Variants in KIF21A observed in about 807,000 individuals in gnomAD.
The protein encoded by KIF21A is kinesin family member 21A, also known as kinesin-like protein KIF21A.
Under a neutral mutation model 202.9 loss-of-function variants are expected in KIF21A, and 114 were observed. The ratio of observed to expected loss-of-function variants is 0.56; its 90% CI spans 0.48 to 0.66. KIF21A has a LOEUF of 0.66. Ranked by LOEUF, KIF21A falls within the 30% of genes least tolerant of loss-of-function variation. The pLI is 0.00. For missense variants in KIF21A, 1,677 were observed against 1,994.9 expected (o/e 0.84, Z 3.04); for synonymous variants, 667 against 670.8 (o/e 0.99, Z 0.09).
At chr12:39,436,585 C>T (rs1938815129) in intron 1 of KIF21A, among the ~76,000 whole-genome samples, 2 of 143,940 alleles carry the variant, frequency 1.4e-5, no homozygotes, top group African/African-American at 2.6e-5. Flanking sequence ...CCAAGTGGCA[C>T]GGACTACAGA....
Position 39,311,580 on chromosome 12 carries a change from C to T in KIF21A, c.3960-27G>A, listed in dbSNP as rs747581129. 6 of 1,611,138 alleles carry T rather than the reference C, an allele frequency of 3.7e-6. No individual in the cohort carries two copies. In the Admixed American group the frequency reaches 8.4e-5, roughly 22 times the overall value. On this transcript the variant is annotated intron_variant, in intron 31 of 37. Transcript: ENST00000361418. The stretch of plus-strand genomic sequence containing the variant: ...TAAGGTGGGGAAAAAACAAACAAAC[C>T]AAGACTCACTTCAGTATCATGAGAC...
intron 1 of KIF21A, among the ~76,000 whole-genome samples, chr12:39,375,771 G>A (rs1286285152): frequency 3.3e-5 from 5 of 152,202 alleles, no homozygotes; most frequent in Admixed American, 3.3e-4. Context: ...TAAATAGAGT[G>A]AAAACTCAGT....
rs1424166622 is a variant in KIF21A, at chr12:39,436,450, T to TATATATATATA, written c.44+6476_44+6477insTATATATATAT. ...TATATATATATATATATATATATAT[T>TATATATATATA]TTTTTTTTTTTTAGACAGGGTTTCA... On this transcript the variant is annotated intron_variant, in intron 1 of 37. Coordinates refer to ENST00000361418, the MANE Select transcript of KIF21A (RefSeq NM_001173464.2). 3.6e-3 allele frequency among the ~76,000 whole-genome samples: 221 copies of TATATATATATA among 60,780 alleles called. 6 individuals are homozygous for TATATATATATA. The highest frequency in any genetic ancestry group is 0.026 in the East Asian group (48 of 1,846). The allele number at this position is 60,780 out of a possible 152,430, so 39.9% of individuals were successfully genotyped here.
chr12:39,311,587 C>A, intron 31 of KIF21A, 34 bp from the exon 32 acceptor site: 2 of 1,610,564 alleles, frequency 1.2e-6, no homozygotes, highest in South Asian at 1.1e-5. Context: ...AACCAAGACT[C>A]ACTTCAGTAT....
chr12:39,365,351 G>C (rs187105653), intron 6 of KIF21A, among the ~76,000 whole-genome samples: 1 of 152,208 alleles, frequency 6.6e-6, no homozygotes, highest in Non-Finnish European at 1.5e-5. Context: ...GAATCCCTTG[G>C]GTGGTTACAA....
intron 1 of KIF21A, among the ~76,000 whole-genome samples, chr12:39,393,074 C>T (rs1052439113): frequency 2.0e-5 from 3 of 150,776 alleles, no homozygotes; most frequent in Admixed American, 6.6e-5. Flanking sequence ...AAGGAAATTG[C>T]TGTGTAGGGA....
At chr12:39,432,125 A>G (rs899466209) in intron 1 of KIF21A, among the ~76,000 whole-genome samples, 2 of 152,214 alleles carry the variant, frequency 1.3e-5, no homozygotes, top group Non-Finnish European at 2.9e-5. Flanking sequence ...TAAACACCTT[A>G]GAAACTCACT....
intron 1 of KIF21A, among the ~76,000 whole-genome samples, chr12:39,423,983 CAAAAAAAAA>C (rs35526386): frequency 7.4e-4 from 19 of 25,666 alleles, no homozygotes; most frequent in South Asian, 2.0e-3. Flanking sequence ...GACTCTGTCT[CAAAAAAAAA>C]AAAAAAAAAA....
At chr12:39,389,947 C>T (rs1442578439) in intron 1 of KIF21A, among the ~76,000 whole-genome samples, 2 of 152,156 alleles carry the variant, frequency 1.3e-5, no homozygotes, top group Non-Finnish European at 2.9e-5. Flanking sequence ...GAGATGTTCA[C>T]ATCTTCCTCT....
chr12:39,354,273 G>A (rs1307136139), intron 10 of KIF21A, among the ~76,000 whole-genome samples: 1 of 152,032 alleles, frequency 6.6e-6, no homozygotes, highest in Non-Finnish European at 1.5e-5. Flanking sequence ...AATCATTGTA[G>A]AAACTTTTTA....
At chr12:39,422,417 A>G (rs993932593) in intron 1 of KIF21A, among the ~76,000 whole-genome samples, 4 of 152,230 alleles carry the variant, frequency 2.6e-5, no homozygotes, top group Admixed American at 2.6e-4. Flanking sequence ...TGTACTAATA[A>G]TATCAGATGA....
intron 1 of KIF21A, among the ~76,000 whole-genome samples, chr12:39,391,367 T>C (rs1390081732): frequency 2.0e-5 from 3 of 152,142 alleles, no homozygotes; most frequent in Non-Finnish European, 4.4e-5. Context: ...CGATACTATC[T>C]ATCTAAATGG....
At chr12:39,431,811 A>T (rs17127129) in intron 1 of KIF21A, among the ~76,000 whole-genome samples, 1 of 152,186 alleles carries the variant, frequency 6.6e-6, no homozygotes, top group African/African-American at 2.4e-5. Flanking sequence ...ATGTAACAAA[A>T]TAGATAAGAA....
chr12:39,399,442 A>G (rs1952002844), intron 1 of KIF21A, among the ~76,000 whole-genome samples: 1 of 152,192 alleles, frequency 6.6e-6, no homozygotes, highest in African/African-American at 2.4e-5. Context: ...CTATCCCTAA[A>G]TAGAGACAGA....
intron 9 of KIF21A, 135 bp from the exon 10 acceptor site, chr12:39,357,030 A>G: frequency 1.5e-6 from 1 of 655,218 alleles, no homozygotes; most frequent in Non-Finnish European, 2.7e-6. Context: ...ACCCTTTATT[A>G]CATGAGCAGA....
In KIF21A at chr12:39,340,222, C is replaced by G; in HGVS notation, c.2253G>C (p.Gln751His). The change falls in exon 16 of 38, where the codon CAG (glutamine) becomes CAC (histidine). Residue 751 changes from glutamine (Q) to histidine (H), a missense_variant. Around this residue, in one of 3 missense-constraint regions of KIF21A, gnomAD observed 966 missense variants for 1,180.9 expected, o/e 0.82. Coordinates refer to ENST00000361418, the MANE Select transcript of KIF21A (RefSeq NM_001173464.2). ...EHARLLKNQS[Q>H]YEKQLKKLQQ... ...GCAATTTCTTCAATTGCTTTTCATA[C>G]TGAGACTGATTTTTAAGCAACCTTG... 6.2e-7 allele frequency: 1 copy of G among 1,613,140 alleles called. No homozygotes were observed. The highest frequency in any genetic ancestry group is 8.5e-7 in the Non-Finnish European group (1 of 1,179,626).
Position 39,390,005 on chromosome 12 carries a change from CATTT to C in KIF21A, c.45-19748_45-19745del, listed in dbSNP as rs1951229795. 2.0e-5 allele frequency among the ~76,000 whole-genome samples: 3 copies of C among 152,258 alleles called. No homozygotes were observed. The South Asian group carries it at 6.2e-4, about 32-fold the overall frequency. On this transcript the variant is annotated intron_variant, in intron 1 of 37. Transcript: ENST00000361418. ...CTATACACTTTCCCTTCATTCTGTACATTTGTCTGTCTCCCACACACACTTTCAA... is the reference window on the plus strand; with the variant it reads ...CTATACACTTTCCCTTCATTCTGTACGTCTGTCTCCCACACACACTTTCAA...
intron 26 of KIF21A, among the ~76,000 whole-genome samples, chr12:39,323,835 G>T (rs1945554502): frequency 6.6e-6 from 1 of 152,048 alleles, no homozygotes; most frequent in Non-Finnish European, 1.5e-5. Context: ...ATCCGGCAGG[G>T]TGCGGTGGCT....
At chr12:39,330,180 T>G in intron 24 of KIF21A, 62 bp downstream of exon 24, 3 of 1,422,548 alleles carry the variant, frequency 2.1e-6, no homozygotes, top group Non-Finnish European at 3.0e-6. Context: ...CCACAATTAG[T>G]GTACATGAAC....
Sources: allele counts gnomAD v4.1 joint callset (sites outside exome capture counted in the v4.1 genomes callset), GRCh38; gene constraint gnomAD v4.1.1; regional missense constraint gnomAD v4.1.1; transcripts MANE v1.5; gene names NCBI Gene and HGNC (gene_info 2026-07-23, HGNC 2026-07-21).